The following EXOSC6 variants were observed in gnomAD, a reference collection of about 807,000 sequenced individuals.
The protein encoded by EXOSC6 is exosome complex component MTR3.
Under a neutral mutation model 16.7 loss-of-function variants are expected in EXOSC6, and 21 were observed. The ratio of observed to expected loss-of-function variants is 1.26; its 90% CI spans 0.89 to 1.82. EXOSC6 has a LOEUF of 1.82. EXOSC6 is among the 40% of genes most tolerant of loss of function. The pLI is 0.00. For missense variants in EXOSC6, 538 were observed against 415.7 expected (o/e 1.29, Z -2.56); for synonymous variants, 297 against 217.1 (o/e 1.37, Z -3.24).
chr16:70,251,186 C>G lies in EXOSC6; in HGVS notation c.715G>C (p.Glu239Gln), dbSNP rs1437225077. 1 of 1,519,558 alleles carries G rather than the reference C, an allele frequency of 6.6e-7. No individual in the cohort carries two copies. The highest frequency in any genetic ancestry group is 2.0e-5 in the Admixed American group (1 of 49,912). 94.1% of individuals were successfully genotyped at this position (1,519,558 alleles called of 1,614,324 possible). A position where few individuals can be genotyped will look rare whatever the true frequency, so the allele number is the denominator to read the frequency against. ...GEGGLTESWA[E>Q]AVRLGLEGCQ... ...CCCTCGAGGCCCAGGCGTACGGCCTCCGCCCAGCTCTCTGTCAGGCCGCCC... is the reference window on the plus strand; with the variant it reads ...CCCTCGAGGCCCAGGCGTACGGCCTGCGCCCAGCTCTCTGTCAGGCCGCCC... Residue 239 changes from glutamate (E) to glutamine (Q), a missense_variant, in exon 1 of 1, where the codon GAG becomes CAG. Coordinates refer to ENST00000435634, the MANE Select transcript of EXOSC6 (RefSeq NM_058219.3).
rs1199391933 is a variant in EXOSC6 at position 70,249,000 on chromosome 16, C to A, written c.*2082G>T. ...TGTAAACTACATACCCAAAATAAAG[C>A]ATATCAAAAACTGTAAAAAAAAAAA... is the stretch of plus-strand genomic sequence containing the variant. On this transcript the variant is annotated 3_prime_UTR_variant, in exon 1 of 1. Coordinates refer to ENST00000435634, the MANE Select transcript of EXOSC6 (RefSeq NM_058219.3). 4 of 127,860 alleles carry A rather than the reference C, an allele frequency of 3.1e-5. No homozygotes were observed. The highest frequency in any genetic ancestry group is 4.7e-5 in the Non-Finnish European group (3 of 64,086). 7.9% of individuals were successfully genotyped at this position (127,860 alleles called of 1,614,324 possible).
chr16:70,251,180 C>G lies in EXOSC6; in HGVS notation c.721G>C (p.Val241Leu). The G allele has an allele frequency of 6.6e-7, 1 of 1,522,826 alleles. No homozygotes were observed. The highest frequency in any genetic ancestry group is 8.7e-7 in the Non-Finnish European group (1 of 1,143,806). The allele number at this position is 1,522,826 out of a possible 1,614,324, so 94.3% of individuals were successfully genotyped here. ...GGLTESWAEA[V>L]RLGLEGCQRL... ...TGGCAGCCCTCGAGGCCCAGGCGTA[C>G]GGCCTCCGCCCAGCTCTCTGTCAGG... The change falls in exon 1 of 1, where the codon GTA (valine) becomes CTA (leucine). Residue 241 changes from valine (V) to leucine (L), a missense_variant. Transcript: ENST00000435634.
rs765581279 is a variant in EXOSC6, at chr16:70,251,885, G to A, written c.16C>T (p.Arg6Cys). The A allele has an allele frequency of 1.9e-6, 3 of 1,544,386 alleles. No individual in the cohort carries two copies. The highest frequency in any genetic ancestry group is 1.4e-5 in the African/African-American group (1 of 70,702). The change falls in exon 1 of 1, where the codon CGC (arginine) becomes TGC (cysteine). Residue 6 changes from arginine to cysteine, a missense_variant. Physicochemically the swap from Arg to Cys is radical, Grantham distance 180. Transcript: ENST00000435634. MPGDH[R>C]RIRGPEESQP... ...GATTCTTCAGGGCCGCGGATGCGGC[G>A]GTGATCCCCAGGCATGGCGGTTCTT...
chr16:70,251,107 C>G lies in EXOSC6; in HGVS notation c.794G>C (p.Arg265Pro). ...LQQSLVRAAR[R>P]RGAAAQP ...TCAGGGCTGGGCGGCGGCGCCCCTGCGGCGGGCGGCCCGCACCAGGCTCTG... is the reference window on the plus strand; with the variant it reads ...TCAGGGCTGGGCGGCGGCGCCCCTGGGGCGGGCGGCCCGCACCAGGCTCTG... Residue 265 changes from arginine to proline, a missense_variant, in exon 1 of 1, where the codon CGC (arginine) becomes CCC (proline). Coordinates refer to ENST00000435634, the MANE Select transcript of EXOSC6 (RefSeq NM_058219.3). 1 of 1,494,308 alleles carries G rather than the reference C, an allele frequency of 6.7e-7. No homozygotes were observed. Among genetic ancestry groups the G allele is most frequent in the Non-Finnish European group, 8.8e-7 (1 of 1,134,824 alleles). 92.6% of individuals were successfully genotyped at this position (1,494,308 alleles called of 1,614,324 possible). A position where few individuals can be genotyped will look rare whatever the true frequency, so the allele number is the denominator to read the frequency against.
chr16:70,248,442 A>T lies in EXOSC6; in HGVS notation c.*2640T>A, dbSNP rs904460580. The T allele has an allele frequency of 4.6e-5, 7 of 152,122 alleles. No homozygotes were observed. Among genetic ancestry groups the T allele is most frequent in the Admixed American group, 1.3e-4 (2 of 15,266 alleles). The allele number at this position is 152,122 out of a possible 1,614,324, so 9.4% of individuals were successfully genotyped here. A position where few individuals can be genotyped will look rare whatever the true frequency, so the allele number is the denominator to read the frequency against. ...AGGTATTTATTTTACTGGTGCATCT[A>T]TCTTTCTATGAATGTGAGAATTTTC... On this transcript the variant is annotated 3_prime_UTR_variant, in exon 1 of 1. Coordinates refer to ENST00000435634, the MANE Select transcript of EXOSC6 (RefSeq NM_058219.3).
Position 70,251,456 on chromosome 16 carries a change from G to A in EXOSC6, c.445C>T (p.Leu149=), listed in dbSNP as rs912782022. The change falls in exon 1 of 1, where the codon CTG becomes TTG. Residue 149 remains leucine, a synonymous_variant. Transcript: ENST00000435634. The part of the protein sequence containing the change: ...YPRAQLEVSA[L]LLEDGGSALA... ...GCCGAGCCACCGTCCTCCAGCAGCA[G>A]CGCCGACACCTCGAGCTGCGCGCGC... 1.5e-6 allele frequency: 2 copies of A among 1,342,584 alleles called. No homozygotes were observed. Among genetic ancestry groups the A allele is most frequent in the African/African-American group, 1.5e-5 (1 of 65,406 alleles). 83.2% of individuals were successfully genotyped at this position (1,342,584 alleles called of 1,614,324 possible).
rs1040834416 is a variant in EXOSC6, at chr16:70,248,334, T to C, written c.*2748A>G. 6.7e-6 allele frequency: 1 copy of C among 149,708 alleles called. No homozygotes were observed. The highest frequency in any genetic ancestry group is 2.6e-5 in the African/African-American group (1 of 38,994). 9.3% of individuals were successfully genotyped at this position (149,708 alleles called of 1,614,324 possible). On this transcript the variant is annotated 3_prime_UTR_variant, in exon 1 of 1. Transcript: ENST00000435634. The stretch of plus-strand genomic sequence containing the variant: ...GGTTTTCAGATGCTCAACAAAAGTG[T>C]GTGAGAAAATAAAACTGGCAAAATA...
chr16:70,249,381 G>C lies in EXOSC6; in HGVS notation c.*1701C>G, dbSNP rs957138233. 6 of 147,810 alleles carry C rather than the reference G, an allele frequency of 4.1e-5. No homozygotes were observed. Among genetic ancestry groups the C allele is most frequent in the African/African-American group, 1.5e-4 (6 of 39,240 alleles). 9.2% of individuals were successfully genotyped at this position (147,810 alleles called of 1,614,324 possible). On this transcript the variant is annotated 3_prime_UTR_variant, in exon 1 of 1. Coordinates refer to ENST00000435634, the MANE Select transcript of EXOSC6 (RefSeq NM_058219.3). Reference sequence around the variant, plus strand: ...CCACTGCACTCCAGGCTGGACAACAGAGCAAGACTCCGCATCAAAAAAAAA... The same window carrying C: ...CCACTGCACTCCAGGCTGGACAACACAGCAAGACTCCGCATCAAAAAAAAA...
At position 70,251,002 on chromosome 16, in the gene EXOSC6, G is replaced by A. The variant is rs538281243; in HGVS notation, c.*80C>T. ...TTCCAGGAATTCTCGACGCAAACTG[G>A]AGGCCGATGGCGCGGGTCTTTTCGT... On this transcript the variant is annotated 3_prime_UTR_variant, in exon 1 of 1. Transcript: ENST00000435634. 1.0e-4 allele frequency: 145 copies of A among 1,415,724 alleles called. No individual in the cohort carries two copies. The highest frequency in any genetic ancestry group is 2.5e-4 in the Admixed American group (9 of 35,304). The allele number at this position is 1,415,724 out of a possible 1,614,324, so 87.7% of individuals were successfully genotyped here.
Position 70,250,822 on chromosome 16 carries a change from A to T in EXOSC6, c.*260T>A. ...TGCAGAAAGAAACCCTGTCTCTAAA[A>T]AAAAGGTCCAGGTAATTTCAGGGTC... On this transcript the variant is annotated 3_prime_UTR_variant, in exon 1 of 1. Transcript: ENST00000435634. The T allele has an allele frequency of 2.5e-6, 1 of 401,414 alleles. No homozygotes were observed. The highest frequency in any genetic ancestry group is 4.4e-6 in the Non-Finnish European group (1 of 229,538). 24.9% of individuals were successfully genotyped at this position (401,414 alleles called of 1,614,324 possible).
chr16:70,250,210 G>C lies in EXOSC6; in HGVS notation c.*872C>G, dbSNP rs1289501122. The C allele has an allele frequency of 6.6e-6, 1 of 151,722 alleles. No homozygotes were observed. The highest frequency in any genetic ancestry group is 1.5e-5 in the Non-Finnish European group (1 of 68,012). 9.4% of individuals were successfully genotyped at this position (151,722 alleles called of 1,614,324 possible). A position where few individuals can be genotyped will look rare whatever the true frequency, so the allele number is the denominator to read the frequency against. ...ATAAATAGCAAATGAATGAAAACTAGAAGCAAAAACAAACAGGAAACCATC... is the reference window on the plus strand; with the variant it reads ...ATAAATAGCAAATGAATGAAAACTACAAGCAAAAACAAACAGGAAACCATC... On this transcript the variant is annotated 3_prime_UTR_variant, in exon 1 of 1. Coordinates refer to ENST00000435634, the MANE Select transcript of EXOSC6 (RefSeq NM_058219.3).
At position 70,250,320 on chromosome 16, in the gene EXOSC6, T is replaced by C. The variant is rs1437625707; in HGVS notation, c.*762A>G. 6.6e-6 allele frequency: 1 copy of C among 152,158 alleles called. No homozygotes were observed. Among genetic ancestry groups the C allele is most frequent in the Non-Finnish European group, 1.5e-5 (1 of 68,050 alleles). 9.4% of individuals were successfully genotyped at this position (152,158 alleles called of 1,614,324 possible). On this transcript the variant is annotated 3_prime_UTR_variant, in exon 1 of 1. Transcript: ENST00000435634. ...AACACACATAATACTTTATTCCTGA[T>C]AAACAATTCGATGTCCTTAAGTCCG...
In EXOSC6 at chr16:70,249,960, A is replaced by G. The variant is rs1017640298; in HGVS notation, c.*1122T>C. 6.6e-6 allele frequency: 1 copy of G among 152,088 alleles called. No homozygotes were observed. 9.4% of individuals were successfully genotyped at this position (152,088 alleles called of 1,614,324 possible). On this transcript the variant is annotated 3_prime_UTR_variant, in exon 1 of 1. Transcript: ENST00000435634. ...AGTGAGACTCTGTCTCAAAAAATAA[A>G]TATAAAAAAATAAAAAGCTGCTATT... is the stretch of plus-strand genomic sequence containing the variant.
rs1959709569 is a variant in EXOSC6 at position 70,247,045 on chromosome 16, A to G, written c.*4037T>C. The G allele has an allele frequency of 4.8e-6, 2 of 419,410 alleles. No homozygotes were observed. The allele number at this position is 419,410 out of a possible 1,614,324, so 26.0% of individuals were successfully genotyped here. A position where few individuals can be genotyped will look rare whatever the true frequency, so the allele number is the denominator to read the frequency against. ...TAGGTTATTTACTAAGTGACTACAT[A>G]AAAAACTGAGTATGAGACCAAGAAA... is the stretch of plus-strand genomic sequence containing the variant. On this transcript the variant is annotated 3_prime_UTR_variant, in exon 1 of 1. Transcript: ENST00000435634.
chr16:70,251,623 C>T lies in EXOSC6; in HGVS notation c.278G>A (p.Arg93His). The T allele has an allele frequency of 9.3e-7, 1 of 1,076,564 alleles. No individual in the cohort carries two copies. The highest frequency in any genetic ancestry group is 1.1e-6 in the Non-Finnish European group (1 of 891,700). 66.7% of individuals were successfully genotyped at this position (1,076,564 alleles called of 1,614,324 possible). The change falls in exon 1 of 1, where the codon CGC becomes CAC. Residue 93 changes from arginine (R) to histidine (H), a missense_variant. Physicochemically the swap from Arg to His is conservative, Grantham distance 29. Transcript: ENST00000435634. Reference protein sequence around the residue: ...GAGGEAPAALRGRLLCDFRRA... With the variant: ...GAGGEAPAALHGRLLCDFRRA... ...GCGGAAGTCGCAGAGCAGGCGACCG[C>T]GCAGCGCGGCCGGGGCCTCGCCGCC... is the stretch of plus-strand genomic sequence containing the variant.
rs1363526011 is a variant in EXOSC6, at chr16:70,247,436, A to G, written c.*3646T>C. The G allele has an allele frequency of 6.6e-6, 1 of 152,072 alleles. No homozygotes were observed. The highest frequency in any genetic ancestry group is 2.4e-5 in the African/African-American group (1 of 41,410). The allele number at this position is 152,072 out of a possible 1,614,324, so 9.4% of individuals were successfully genotyped here. A position where few individuals can be genotyped will look rare whatever the true frequency, so the allele number is the denominator to read the frequency against. The stretch of plus-strand genomic sequence containing the variant: ...TTAAATTTCAAATACAAAAAAGTAA[A>G]ACGGATTTGGGAAACTTTTCTATAA... On this transcript the variant is annotated 3_prime_UTR_variant, in exon 1 of 1. Coordinates refer to ENST00000435634, the MANE Select transcript of EXOSC6 (RefSeq NM_058219.3).
In EXOSC6 at chr16:70,250,962, G is replaced by A; in HGVS notation, c.*120C>T. ...TGGCAGTCAGGTCAGTCCAACCACAGTCATATCAGGGCCCTTCCAGGAATT... is the reference window on the plus strand; with the variant it reads ...TGGCAGTCAGGTCAGTCCAACCACAATCATATCAGGGCCCTTCCAGGAATT... On this transcript the variant is annotated 3_prime_UTR_variant, in exon 1 of 1. Transcript: ENST00000435634. 5.4e-6 allele frequency: 7 copies of A among 1,297,926 alleles called. No individual in the cohort carries two copies. The highest frequency in any genetic ancestry group is 1.8e-5 in the South Asian group (1 of 56,550). The allele number at this position is 1,297,926 out of a possible 1,614,324, so 80.4% of individuals were successfully genotyped here. A position where few individuals can be genotyped will look rare whatever the true frequency, so the allele number is the denominator to read the frequency against.
rs941032271 is a variant in EXOSC6 at position 70,250,055 on chromosome 16, G to A, written c.*1027C>T. 1 of 152,120 alleles carries A rather than the reference G, an allele frequency of 6.6e-6. No homozygotes were observed. The highest frequency in any genetic ancestry group is 1.5e-5 in the Non-Finnish European group (1 of 68,022). 9.4% of individuals were successfully genotyped at this position (152,120 alleles called of 1,614,324 possible). On this transcript the variant is annotated 3_prime_UTR_variant, in exon 1 of 1. Transcript: ENST00000435634. ...TAGATGAATGGAATGAATACAACTT[G>A]CTGGAAGTTCTTAGGAAACAAAATG...
At position 70,250,463 on chromosome 16, in the gene EXOSC6, A is replaced by AGG. The variant is rs1452718236; in HGVS notation, c.*618_*619insCC. On this transcript the variant is annotated 3_prime_UTR_variant, in exon 1 of 1. Transcript: ENST00000435634. ...GCGGGTGGATCACCTGAGGTCAGGC[A>AGG]TTCGAGAACAGCCTGGCCCACATGG... The AGG allele has an allele frequency of 2.0e-5, 3 of 150,314 alleles. No homozygotes were observed. The highest frequency in any genetic ancestry group is 7.4e-5 in the African/African-American group (3 of 40,780). The allele number at this position is 150,314 out of a possible 1,614,324, so 9.3% of individuals were successfully genotyped here.
Sources: allele counts gnomAD v4.1 joint callset, GRCh38; gene constraint gnomAD v4.1.1; transcripts MANE v1.5; gene names NCBI Gene and HGNC (gene_info 2026-07-23, HGNC 2026-07-21).